The following TTLL5 variants were observed in gnomAD, a reference collection of about 807,000 sequenced individuals.
TTLL5 encodes the protein tubulin tyrosine ligase like 5.
In TTLL5, 132 loss-of-function variants were observed where a neutral mutation model predicts 168.4. That is an observed-to-expected ratio of 0.78 (90% CI 0.68 to 0.91). The LOEUF is 0.91. TTLL5 is among the 40% of genes least tolerant of loss of function. The pLI is 0.00. For missense variants in TTLL5, 1,545 were observed against 1,581.5 expected, an observed-to-expected ratio of 0.98 and a Z score of 0.39; for synonymous variants, 546 against 558.6, an observed-to-expected ratio of 0.98 and a Z score of 0.32.
At chr14:75,954,043 T>C (rs1356802752) in intron 31 of TTLL5, among the ~76,000 whole-genome samples, 1 of 151,950 alleles carries the variant, frequency 6.6e-6, no homozygotes, top group Admixed American at 6.6e-5. Flanking sequence ...GGTCAGGAGA[T>C]GGAGACCATC....
intron 28 of TTLL5, among the ~76,000 whole-genome samples, chr14:75,848,265 C>T (rs962680172): frequency 5.3e-5 from 8 of 152,114 alleles, no homozygotes; most frequent in African/African-American, 1.9e-4. Context: ...ATTTGTGACA[C>T]TTTGCAAGCT....
intron 15 of TTLL5, among the ~76,000 whole-genome samples, chr14:75,740,540 T>C (rs1889193537): frequency 6.6e-6 from 1 of 152,206 alleles, no homozygotes; most frequent in Non-Finnish European, 1.5e-5. Context: ...ACAGGATGCA[T>C]GTCTCTCAGA....
At chr14:75,769,193 G>T (rs1465101356) in intron 20 of TTLL5, among the ~76,000 whole-genome samples, 1 of 152,116 alleles carries the variant, frequency 6.6e-6, no homozygotes, top group East Asian at 1.9e-4. Context: ...TGTTAAAATT[G>T]CAGGCTGCGT....
At position 75,930,089 on chromosome 14, in the gene TTLL5, A is replaced by G. The variant is rs554514406; in HGVS notation, c.3824-24335A>G. ...AAAGTTTCTTTGACTTCTGTTTTCT[A>G]TTCCCACCTTTCAGATGTTTGGTGT... On this transcript the variant is annotated intron_variant, in intron 31 of 31. Coordinates refer to ENST00000298832, the MANE Select transcript of TTLL5 (RefSeq NM_015072.5). Among the ~76,000 whole-genome samples the G allele has an allele frequency of 1.7e-4, 26 of 152,304 alleles. 1 individual carries two copies. Among genetic ancestry groups the G allele is most frequent in the Admixed American group, 1.4e-3 (21 of 15,296 alleles).
chr14:75,882,619 T>G (rs1205058820), intron 29 of TTLL5, 66 bp from the exon 30 acceptor site: 1 of 1,420,114 alleles, frequency 7.0e-7, no homozygotes. Context: ...TACAGACTAG[T>G]TACATACAGT....
At chr14:75,919,197 C>CAAAAAAAAAAAAAAAAAAAAAAA (rs10655974) in intron 31 of TTLL5, among the ~76,000 whole-genome samples, 1 of 56,112 alleles carries the variant, frequency 1.8e-5, no homozygotes, top group Non-Finnish European at 3.1e-5. Flanking sequence ...AAGACCGTCT[C>CAAAAAAAAAAAAAAAAAAAAAAA]AAAAAAAAAA....
intron 31 of TTLL5, among the ~76,000 whole-genome samples, chr14:75,927,559 C>T (rs1326373837): frequency 6.6e-6 from 1 of 152,180 alleles, no homozygotes; most frequent in African/African-American, 2.4e-5. Context: ...TTGATCAATA[C>T]GTATTTAGTG....
chr14:75,750,961 T>C (rs936530941), intron 17 of TTLL5, among the ~76,000 whole-genome samples: 1 of 152,180 alleles, frequency 6.6e-6, no homozygotes, highest in Non-Finnish European at 1.5e-5. Flanking sequence ...GTGAACGCCA[T>C]AGGCATTGTG....
intron 2 of TTLL5, 111 bp downstream of exon 2, chr14:75,663,334 C>A: frequency 9.5e-7 from 1 of 1,048,266 alleles, no homozygotes; most frequent in Non-Finnish European, 1.4e-6. Flanking sequence ...ACTCTTTTAT[C>A]TAGTGTCATT....
At chr14:75,705,427 G>A (rs1050610624) in intron 7 of TTLL5, among the ~76,000 whole-genome samples, 1 of 152,170 alleles carries the variant, frequency 6.6e-6, no homozygotes, top group Non-Finnish European at 1.5e-5. Context: ...GAATTTGGGG[G>A]ACAATTAAAT....
At chr14:75,787,675 C>T (rs950651784) in intron 26 of TTLL5, among the ~76,000 whole-genome samples, 5 of 152,084 alleles carry the variant, frequency 3.3e-5, no homozygotes, top group Admixed American at 6.5e-5. Flanking sequence ...TATATAGGAC[C>T]GTGTACCCAA....
chr14:75,735,898 C>A (rs958711322), intron 15 of TTLL5, among the ~76,000 whole-genome samples: 1 of 152,028 alleles, frequency 6.6e-6, no homozygotes. Context: ...CTTGTCAGTC[C>A]CTGTCTGTTT....
intron 30 of TTLL5, among the ~76,000 whole-genome samples, chr14:75,883,395 G>C (rs2031923949): frequency 1.3e-5 from 2 of 152,178 alleles, no homozygotes; most frequent in South Asian, 4.1e-4. Context: ...TGTATCTCCA[G>C]CCACTTTTTA....
chr14:75,930,504 A>G, intron 31 of TTLL5: 1 of 801,468 alleles, frequency 1.2e-6, no homozygotes. Flanking sequence ...TCTGAAAAAA[A>G]TCAAAATCTA....
intron 14 of TTLL5, among the ~76,000 whole-genome samples, chr14:75,734,547 A>G (rs917202609): frequency 2.0e-5 from 3 of 151,916 alleles, no homozygotes; most frequent in Admixed American, 6.6e-5. Flanking sequence ...GTTTTTTTTT[A>G]GGTACTATAA....
chr14:75,914,772 T>C (rs890471333), intron 31 of TTLL5, among the ~76,000 whole-genome samples: 13 of 152,094 alleles, frequency 8.5e-5, no homozygotes, highest in Non-Finnish European at 1.3e-4. Flanking sequence ...TACAGGAGCC[T>C]GCCACCATGC....
intron 9 of TTLL5, chr14:75,711,546 A>T (rs1887077100): frequency 6.6e-6 from 1 of 152,216 alleles, no homozygotes; most frequent in Non-Finnish European, 1.5e-5. Flanking sequence ...AAATGGAGTT[A>T]AAAACTAAAT....
intron 31 of TTLL5, among the ~76,000 whole-genome samples, chr14:75,925,065 T>C (rs1375904234): frequency 8.5e-6 from 1 of 117,358 alleles, no homozygotes; most frequent in Non-Finnish European, 1.8e-5. Context: ...ACCTCCAGGA[T>C]GGGGCGGCTG....
At chr14:75,931,735 G>A (rs920852106) in intron 31 of TTLL5, among the ~76,000 whole-genome samples, 3 of 152,130 alleles carry the variant, frequency 2.0e-5, no homozygotes, top group Non-Finnish European at 4.4e-5. Context: ...TCAACACATA[G>A]GTTTAAATTC....
Sources: allele counts gnomAD v4.1 joint callset (sites outside exome capture counted in the v4.1 genomes callset), GRCh38; gene constraint gnomAD v4.1.1; transcripts MANE v1.5; gene names NCBI Gene and HGNC (gene_info 2026-07-23, HGNC 2026-07-21).